The following CWH43 variants were observed in gnomAD, a reference collection of about 807,000 sequenced individuals.
The protein encoded by CWH43 is PGAP2-interacting protein.
Under a neutral mutation model 85.7 loss-of-function variants are expected in CWH43, and 91 were observed. The ratio of observed to expected loss-of-function variants is 1.06; its 90% confidence interval spans 0.90 to 1.26. The LOEUF (loss-of-function observed/expected upper bound fraction) is 1.26. CWH43 is among the 50% of genes most tolerant of loss of function. CWH43 has a pLI of 0.00. For synonymous variants in CWH43, 323 were observed against 293.6 expected (o/e 1.10, Z -1.02); for missense variants, 869 against 839.2 (o/e 1.04, Z -0.44).
intron 14 of CWH43, among the ~76,000 whole-genome samples, chr4:49,045,268 G>A (rs1367125915): frequency 1.3e-5 from 2 of 151,874 alleles, no homozygotes; most frequent in Admixed American, 6.6e-5. Context: ...AATTTGATGG[G>A]GCCATTACTA....
intron 9 of CWH43, among the ~76,000 whole-genome samples, chr4:49,026,304 TCA>T (rs1256296629): frequency 6.6e-6 from 1 of 152,154 alleles, no homozygotes; most frequent in Non-Finnish European, 1.5e-5. Flanking sequence ...GCAAGCCAAC[TCA>T]TAGTTCCTTG....
chr4:49,013,315 C>T (rs1197459150), intron 8 of CWH43, among the ~76,000 whole-genome samples: 4 of 152,272 alleles, frequency 2.6e-5, no homozygotes, highest in Admixed American at 1.3e-4. Flanking sequence ...AGGATGGTAT[C>T]TCCTGTTCTG....
In CWH43 at chr4:48,993,026, A is replaced by G. The variant is rs569372883; in HGVS notation, c.511+936A>G. Among the ~76,000 whole-genome samples the G allele has an allele frequency of 3.3e-5, 5 of 152,314 alleles. No individual in the cohort carries two copies. In the South Asian group the frequency reaches 1.0e-3, roughly 32 times the overall value. On this transcript the variant is annotated intron_variant, in intron 4 of 15. Coordinates refer to ENST00000226432, the MANE Select transcript of CWH43 (RefSeq NM_025087.3). ...CAGCCCATTTTGCCGGTACAGCCTG[A>G]TAAAGATCTGAACTTCAGGGTACTG...
rs756021591 is a variant in CWH43 at position 48,988,675 on chromosome 4, T to G, written c.235+7T>G. 108 of 1,554,770 alleles carry G rather than the reference T, an allele frequency of 6.9e-5. No individual in the cohort carries two copies. Among genetic ancestry groups the G allele is most frequent in the Non-Finnish European group, 8.1e-5 (93 of 1,149,964 alleles). On this transcript the variant is annotated splice_region_variant and intron_variant, in intron 2 of 15. Transcript: ENST00000226432. ...CTGAGGATAATCACTATTGGTAAGA[T>G]TTAAAAGAGTTTCTTTAAGTTGTTT...
intron 5 of CWH43, among the ~76,000 whole-genome samples, chr4:48,996,040 T>G (rs1187366933): frequency 6.6e-6 from 1 of 151,370 alleles, no homozygotes; most frequent in African/African-American, 2.4e-5. Context: ...CCTTTCCAAA[T>G]GCTTTCTGAT....
intron 15 of CWH43, among the ~76,000 whole-genome samples, chr4:49,057,564 T>C (rs1172403285): frequency 2.0e-5 from 3 of 152,218 alleles, no homozygotes; most frequent in Admixed American, 2.0e-4. Context: ...TCCTTTCATT[T>C]GCACTTGAAA....
rs1219762575 is a variant in CWH43 at position 49,028,773 on chromosome 4, T to C, written c.1372+39T>C. Reference sequence around the variant, plus strand: ...GAATTAGTTCCAGGTTTTGAGAAACTATTATTGTTACTTTTATTTTCAGCA... The same window carrying C: ...GAATTAGTTCCAGGTTTTGAGAAACCATTATTGTTACTTTTATTTTCAGCA... On this transcript the variant is annotated intron_variant, in intron 10 of 15. Transcript: ENST00000226432. 5 of 1,301,470 alleles carry C rather than the reference T, an allele frequency of 3.8e-6. No individual in the cohort carries two copies. In the Middle Eastern group the frequency reaches 5.5e-4, roughly 144 times the overall value. The allele number at this position is 1,301,470 out of a possible 1,614,324, so 80.6% of individuals were successfully genotyped here.
chr4:49,050,773 C>G lies in CWH43; in HGVS notation c.1945C>G (p.Pro649Ala). ...QMAKFRIPDDPTNYRDNQKVV... is the reference protein window; with the variant it reads ...QMAKFRIPDDATNYRDNQKVV... ...GGCAAAATTTAGGATCCCTGATGAC[C>G]CCACTAATTATAGAGACAACCAGAA... Residue 649 changes from proline (P) to alanine (A), a missense_variant, in exon 15 of 16, where the codon CCC becomes GCC. By Grantham distance (27) the Pro-to-Ala change is conservative (BLOSUM62 -1). This residue lies in a region of CWH43 where 577 missense variants were observed against 513.1 expected (regional missense o/e 1.12). Coordinates refer to ENST00000226432, the MANE Select transcript of CWH43 (RefSeq NM_025087.3). 6.2e-7 allele frequency: 1 copy of G among 1,610,708 alleles called. No individual in the cohort carries two copies.
intron 15 of CWH43, among the ~76,000 whole-genome samples, chr4:49,058,654 T>C (rs1785043204): frequency 1.3e-5 from 2 of 152,258 alleles, no homozygotes; most frequent in Admixed American, 6.5e-5. Flanking sequence ...GTGCATCTAA[T>C]GATGATGAAC....
At chr4:49,057,835 T>C (rs1473776213) in intron 15 of CWH43, among the ~76,000 whole-genome samples, 1 of 152,162 alleles carries the variant, frequency 6.6e-6, no homozygotes, top group Non-Finnish European at 1.5e-5. Flanking sequence ...TTATATTATA[T>C]TGATGAATTG....
chr4:49,031,855 G>A (rs923250679), intron 11 of CWH43, among the ~76,000 whole-genome samples: 3 of 152,170 alleles, frequency 2.0e-5, no homozygotes, highest in African/African-American at 4.8e-5. Context: ...CTGAGTACCC[G>A]CTAAGAGATG....
chr4:49,057,628 G>A (rs1785009137), intron 15 of CWH43, among the ~76,000 whole-genome samples: 1 of 152,114 alleles, frequency 6.6e-6, no homozygotes. Flanking sequence ...ATGTTAGGTC[G>A]ATTTGGTCTA....
intron 7 of CWH43, among the ~76,000 whole-genome samples, chr4:49,005,654 C>A (rs189277637): frequency 2.8e-4 from 43 of 151,510 alleles, no homozygotes; most frequent in South Asian, 1.9e-3. Flanking sequence ...TGAGCTCCCC[C>A]CTCAACCTCC....
rs1280131264 is a variant in CWH43 at position 48,986,334 on chromosome 4, G to A, written c.-96G>A. ...GAACGAGGGGCGCGGACGCAGGCCC[G>A]GGAGGACGCGGCGGCGGGAACCTGG... On this transcript the variant is annotated 5_prime_UTR_variant, in exon 1 of 16. Transcript: ENST00000226432. 10 of 1,230,800 alleles carry A rather than the reference G, an allele frequency of 8.1e-6. No homozygotes were observed. The African/African-American group carries it at 1.1e-4, about 13-fold the overall frequency. 76.2% of individuals were successfully genotyped at this position (1,230,800 alleles called of 1,614,324 possible). A position where few individuals can be genotyped will look rare whatever the true frequency, so the allele number is the denominator to read the frequency against.
At chr4:49,051,689 G>C (rs948712878) in intron 15 of CWH43, among the ~76,000 whole-genome samples, 3 of 152,088 alleles carry the variant, frequency 2.0e-5, no homozygotes, top group African/African-American at 7.2e-5. Flanking sequence ...CAATTCTCCT[G>C]TCTCAGCCTC....
intron 9 of CWH43, among the ~76,000 whole-genome samples, chr4:49,026,823 A>G (rs946104341): frequency 6.6e-6 from 1 of 152,142 alleles, no homozygotes; most frequent in Non-Finnish European, 1.5e-5. Context: ...TATCTTTGCA[A>G]TTGTGAATTG....
At chr4:49,008,157 C>T (rs1254930613) in intron 8 of CWH43, among the ~76,000 whole-genome samples, 1 of 152,106 alleles carries the variant, frequency 6.6e-6, no homozygotes, top group Non-Finnish European at 1.5e-5. Context: ...TTTTAATGAT[C>T]ACCATTCTAA....
intron 13 of CWH43, among the ~76,000 whole-genome samples, chr4:49,039,332 TACTG>T (rs1345896295): frequency 2.7e-4 from 13 of 48,482 alleles, no homozygotes; most frequent in South Asian, 6.9e-4. Context: ...TATATATATA[TACTG>T]ATGTATATAT....
intron 2 of CWH43, among the ~76,000 whole-genome samples, chr4:48,989,507 T>C (rs1450237703): frequency 6.6e-6 from 1 of 152,248 alleles, no homozygotes; most frequent in Admixed American, 6.5e-5. Flanking sequence ...ATGCGTTGCT[T>C]AGTGACATTT....
Sources: allele counts gnomAD v4.1 joint callset (sites outside exome capture counted in the v4.1 genomes callset), GRCh38; gene constraint gnomAD v4.1.1; regional missense constraint gnomAD v4.1.1; transcripts MANE v1.5; gene names NCBI Gene and HGNC (gene_info 2026-07-23, HGNC 2026-07-21).